Variants in MAGI1 observed in about 807,000 individuals in gnomAD.
The protein encoded by MAGI1 is membrane associated guanylate kinase, WW and PDZ domain containing 1, also known as membrane-associated guanylate kinase, WW and PDZ domain-containing protein 1.
A neutral mutation model predicts 139.9 loss-of-function variants in MAGI1; 58 were observed. The ratio of observed to expected loss-of-function variants is 0.41; its 90% CI spans 0.34 to 0.52. The LOEUF is 0.52. Ranked by LOEUF, MAGI1 falls within the 20% of genes least tolerant of loss-of-function variation. The probability of loss-of-function intolerance (pLI) is 0.12; values close to 1 mark genes in which losing one functional copy is unlikely to be tolerated. For synonymous variants in MAGI1, 812 were observed against 737.9 expected (o/e 1.10, Z -1.63); for missense variants, 1,874 against 1,901.6 (o/e 0.99, Z 0.27).
At chr3:65,612,399 C>A (rs1479796966) in intron 2 of MAGI1, among the ~76,000 whole-genome samples, 1 of 152,004 alleles carries the variant, frequency 6.6e-6, no homozygotes, top group Non-Finnish European at 1.5e-5. Context: ...TGTTTTGTAG[C>A]CATTTGAGCA....
intron 1 of MAGI1, among the ~76,000 whole-genome samples, chr3:65,648,289 C>CTG (rs2085380952): frequency 1.9e-5 from 2 of 103,036 alleles, no homozygotes; most frequent in Non-Finnish European, 4.2e-5. Flanking sequence ...GTACTACAGG[C>CTG]CGTGTGTGTG....
At chr3:65,802,764 C>T (rs9875568) in intron 1 of MAGI1, among the ~76,000 whole-genome samples, 5 of 152,012 alleles carry the variant, frequency 3.3e-5, no homozygotes, top group African/African-American at 1.2e-4. Context: ...TAGTTTCCTG[C>T]CTCAAGTACC....
intron 4 of MAGI1, among the ~76,000 whole-genome samples, chr3:65,472,777 G>A (rs1437428364): frequency 6.6e-6 from 1 of 152,198 alleles, no homozygotes. Flanking sequence ...GTGCCCTGGA[G>A]GAGAGTGGAC....
At chr3:65,868,059 A>G (rs2059791856) in intron 1 of MAGI1, among the ~76,000 whole-genome samples, 1 of 152,288 alleles carries the variant, frequency 6.6e-6, no homozygotes, top group Admixed American at 6.5e-5. Flanking sequence ...CTTAGGGTCC[A>G]TATGCTGTTC....
chr3:65,445,049 A>G (rs1948592133), intron 7 of MAGI1, among the ~76,000 whole-genome samples: 2 of 152,226 alleles, frequency 1.3e-5, no homozygotes, highest in Admixed American at 6.5e-5. Flanking sequence ...ATAATTTTTT[A>G]AGCAAACACT....
At chr3:65,913,233 CAGCCTGAGCAACAG>C (rs1411168983) in intron 1 of MAGI1, among the ~76,000 whole-genome samples, 13 of 152,114 alleles carry the variant, frequency 8.5e-5, no homozygotes, top group African/African-American at 3.1e-4. Flanking sequence ...CATTGAACTC[CAGCCTGAGCAACAG>C]AGCAAGACTG....
Position 65,356,699 on chromosome 3 carries a change from CTCTCGCCTCCGCTCCGGAGAGACG to C in MAGI1, c.4044_4067del (p.Asp1348_Arg1355del). 1 of 1,593,516 alleles carries C rather than the reference CTCTCGCCTCCGCTCCGGAGAGACG, an allele frequency of 6.3e-7. No individual in the cohort carries two copies. On this transcript the variant is annotated inframe_deletion, in exon 23 of 23. Transcript: ENST00000402939. ...CGTCTCTCCTGCGGGTGGGTGACCG[CTCTCGCCTCCGCTCCGGAGAGACG>C]TCTCGTCTCTTCTCGTGCTTCTCCC... is the stretch of plus-strand genomic sequence containing the variant.
At chr3:65,782,346 T>C (rs1466492886) in intron 1 of MAGI1, among the ~76,000 whole-genome samples, 1 of 152,064 alleles carries the variant, frequency 6.6e-6, no homozygotes, top group Non-Finnish European at 1.5e-5. Flanking sequence ...AGGAATGTCC[T>C]TAGGTTGGAA....
In MAGI1 at chr3:66,025,570, A is replaced by C. The variant is rs140061211; in HGVS notation, c.313+12426T>G. Among the ~76,000 whole-genome samples the C allele has an allele frequency of 4.8e-3, 737 of 152,258 alleles. 4 individuals carry two copies. Among genetic ancestry groups the C allele is most frequent in the African/African-American group, 0.017 (720 of 41,540 alleles). On this transcript the variant is annotated intron_variant, in intron 1 of 22. Coordinates refer to ENST00000402939, the MANE Select transcript of MAGI1 (RefSeq NM_001033057.2). ...AAAAACAAAAAAACAAACAAACAAA[A>C]AAAGTCCATGATATGCTGTTAGGCA...
At chr3:65,636,096 A>G (rs972225418) in intron 1 of MAGI1, among the ~76,000 whole-genome samples, 2 of 152,210 alleles carry the variant, frequency 1.3e-5, no homozygotes, top group African/African-American at 4.8e-5. Context: ...AGTCACAAGT[A>G]ATCGCCATGG....
intron 1 of MAGI1, among the ~76,000 whole-genome samples, chr3:65,881,998 C>T (rs989804789): frequency 3.9e-5 from 6 of 152,210 alleles, no homozygotes; most frequent in Non-Finnish European, 8.8e-5. Context: ...CCCCAAGCAA[C>T]CTTCAGTTTA....
At chr3:65,566,546 C>G (rs1479034381) in intron 2 of MAGI1, among the ~76,000 whole-genome samples, 1 of 151,926 alleles carries the variant, frequency 6.6e-6, no homozygotes, top group Non-Finnish European at 1.5e-5. Context: ...AAATCTGGTT[C>G]CAAAGTTAAG....
chr3:65,763,785 C>T (rs1013534137), intron 1 of MAGI1, among the ~76,000 whole-genome samples: 1 of 151,680 alleles, frequency 6.6e-6, no homozygotes, highest in South Asian at 2.1e-4. Flanking sequence ...AAAGAAAATC[C>T]TGAGGCCAGG....
chr3:65,476,047 C>T (rs1351722291), intron 4 of MAGI1, among the ~76,000 whole-genome samples: 2 of 151,792 alleles, frequency 1.3e-5, no homozygotes, highest in Non-Finnish European at 2.9e-5. Flanking sequence ...CCTCATTATG[C>T]CACTGTCACT....
chr3:66,020,030 G>T (rs925515580), intron 1 of MAGI1, among the ~76,000 whole-genome samples: 1 of 152,208 alleles, frequency 6.6e-6, no homozygotes, highest in Admixed American at 6.5e-5. Context: ...AATGATTAGG[G>T]ATTGCAGAAC....
At chr3:65,417,892 T>C (rs1946345711) in intron 12 of MAGI1, among the ~76,000 whole-genome samples, 1 of 152,200 alleles carries the variant, frequency 6.6e-6, no homozygotes, top group South Asian at 2.1e-4. Flanking sequence ...TTGGTAACTT[T>C]AAATCCTTCC....
chr3:65,871,110 G>C (rs150090444), intron 1 of MAGI1, among the ~76,000 whole-genome samples: 1 of 152,014 alleles, frequency 6.6e-6, no homozygotes, highest in African/African-American at 2.4e-5. Context: ...AGCTAATTTT[G>C]TATTTTTTCT....
chr3:66,037,397 T>C (rs577967788), intron 1 of MAGI1, among the ~76,000 whole-genome samples: 8 of 152,166 alleles, frequency 5.3e-5, no homozygotes, highest in Non-Finnish European at 1.0e-4. Context: ...CCCTCCCAAG[T>C]GTATGGCTGA....
intron 1 of MAGI1, among the ~76,000 whole-genome samples, chr3:65,745,297 G>A (rs2035610451): frequency 6.6e-6 from 1 of 152,082 alleles, no homozygotes; most frequent in Admixed American, 6.6e-5. Context: ...ACAGGGCAGA[G>A]GACAGACAGT....
Sources: gnomAD v4.1 joint callset for allele counts (sites outside exome capture counted in the v4.1 genomes callset) on GRCh38, gnomAD v4.1.1 for gene constraint, MANE v1.5 for transcripts, NCBI Gene and HGNC (gene_info 2026-07-23, HGNC 2026-07-21) for gene names.